Variants in ASPRV1 observed in about 807,000 individuals in gnomAD.
The protein encoded by ASPRV1 is retroviral-like aspartic protease 1.
A neutral mutation model predicts 11.0 loss-of-function variants in ASPRV1; 7 were observed. The ratio of observed to expected loss-of-function variants is 0.64; its 90% CI spans 0.36 to 1.20. The LOEUF is 1.20. Ranked by LOEUF, ASPRV1 falls within the 50% of genes most tolerant of loss-of-function variation. The pLI is 0.02. For missense variants in ASPRV1, 299 were observed against 320.0 expected, an observed-to-expected ratio of 0.93 and a Z score of 0.50; for synonymous variants, 136 against 138.4, an observed-to-expected ratio of 0.98 and a Z score of 0.12.
At chr2:70,061,677 G>A in the ASPRV1 span, among the ~76,000 whole-genome samples, 2 of 152,074 alleles carry the variant, frequency 1.3e-5, no homozygotes, top group East Asian at 1.9e-4. Context: ...CTGGAGGACC[G>A]GGTGCAGTGG....
At chr2:69,949,089 T>C in the ASPRV1 span, among the ~76,000 whole-genome samples, 2 of 152,204 alleles carry the variant, frequency 1.3e-5, no homozygotes, top group East Asian at 1.9e-4. Flanking sequence ...CGCGCAGTGA[T>C]GCATTTCACT....
chr2:70,000,334 A>C, the ASPRV1 span, among the ~76,000 whole-genome samples: 2,208 of 138,996 alleles, frequency 0.016, 40 homozygotes, highest in African/African-American at 0.064. Flanking sequence ...AAAAAAAAAA[A>C]ACCACACACA....
the ASPRV1 span, chr2:69,935,248 G>A: frequency 1.1e-4 from 82 of 772,108 alleles, no homozygotes; most frequent in Middle Eastern, 3.5e-4. Context: ...ATTTGCCATC[G>A]CAAGGCCTGG....
the ASPRV1 span, chr2:69,937,477 G>A: frequency 7.4e-7 from 1 of 1,350,946 alleles, no homozygotes; most frequent in Non-Finnish European, 9.9e-7. Flanking sequence ...ACAGGAGGCA[G>A]AGTGTAAGAA....
the ASPRV1 span, chr2:69,994,224 T>C: frequency 6.6e-6 from 1 of 152,416 alleles, no homozygotes; most frequent in East Asian, 1.9e-4. Context: ...CCCTGCTAGA[T>C]GAGCAGCGTT....
chr2:69,959,373 T>G (rs1678008665), downstream of ASPRV1, among the ~76,000 whole-genome samples: 2 of 152,168 alleles, frequency 1.3e-5, no homozygotes, highest in African/African-American at 4.8e-5. Context: ...AACTGGCTCT[T>G]CTGTGGAGAC....
the ASPRV1 span, among the ~76,000 whole-genome samples, chr2:70,079,261 A>G: frequency 6.6e-6 from 1 of 152,138 alleles, no homozygotes; most frequent in Admixed American, 6.6e-5. Context: ...CGGCATTTAA[A>G]GTCTTGATCG....
At chr2:70,016,052 T>C in the ASPRV1 span, 1 of 152,152 alleles carries the variant, frequency 6.6e-6, no homozygotes, top group Non-Finnish European at 1.5e-5. Flanking sequence ...GAACTACACT[T>C]TAGACCAAAG....
the ASPRV1 span, chr2:69,988,841 G>A: frequency 2.2e-6 from 1 of 456,594 alleles, no homozygotes; most frequent in East Asian, 6.9e-5. Flanking sequence ...AGAAGAGTCT[G>A]GAGTAGGATG....
chr2:70,007,357 T>TA, the ASPRV1 span, among the ~76,000 whole-genome samples: 4 of 151,946 alleles, frequency 2.6e-5, no homozygotes, highest in East Asian at 1.9e-4. Context: ...GTTTCTACTT[T>TA]AAAAAAATAC....
At chr2:69,979,329 G>C in the ASPRV1 span, among the ~76,000 whole-genome samples, 4 of 152,152 alleles carry the variant, frequency 2.6e-5, no homozygotes, top group Admixed American at 2.6e-4. Context: ...CACCACGCCC[G>C]GCCAGGGACG....
At chr2:70,039,684 C>T in the ASPRV1 span, among the ~76,000 whole-genome samples, 6 of 152,290 alleles carry the variant, frequency 3.9e-5, no homozygotes, top group Non-Finnish European at 7.4e-5. Context: ...GTCTTCTGGC[C>T]CCTACTGCAC....
At chr2:70,018,743 G>GTTCA in the ASPRV1 span, among the ~76,000 whole-genome samples, 1 of 152,254 alleles carries the variant, frequency 6.6e-6, no homozygotes, top group Admixed American at 6.5e-5. Flanking sequence ...GAAATTAGAT[G>GTTCA]TTCATTTCAC....
the ASPRV1 span, chr2:70,012,288 G>A: frequency 6.6e-6 from 1 of 151,884 alleles, no homozygotes; most frequent in African/African-American, 2.4e-5. Context: ...CCGAGTAGCT[G>A]GGACTACAGG....
the ASPRV1 span, chr2:70,032,400 A>T: frequency 6.6e-6 from 1 of 152,048 alleles, no homozygotes; most frequent in Non-Finnish European, 1.5e-5. Context: ...TCACAATTAT[A>T]ATCTCAGCAT....
the ASPRV1 span, among the ~76,000 whole-genome samples, chr2:70,043,565 G>C: frequency 6.6e-6 from 1 of 152,184 alleles, no homozygotes; most frequent in African/African-American, 2.4e-5. Flanking sequence ...ATCGCTTTTT[G>C]CATGGCTTAT....
chr2:69,959,471 C>T (rs917076179), downstream of ASPRV1, among the ~76,000 whole-genome samples: 1 of 152,100 alleles, frequency 6.6e-6, no homozygotes. Flanking sequence ...GAAGCAAATA[C>T]GAGATGGACC....
chr2:69,934,347 G>A, the ASPRV1 span, among the ~76,000 whole-genome samples: 1 of 152,126 alleles, frequency 6.6e-6, no homozygotes. Flanking sequence ...GAATTTTCCA[G>A]GTTCTAGAAT....
chr2:70,001,392 G>A, the ASPRV1 span, among the ~76,000 whole-genome samples: 1 of 152,004 alleles, frequency 6.6e-6, no homozygotes, highest in South Asian at 2.1e-4. Flanking sequence ...TAGCCAATGT[G>A]GTGGTGCATG....
Sources: allele counts gnomAD v4.1 joint callset (sites outside exome capture counted in the v4.1 genomes callset), GRCh38; gene constraint gnomAD v4.1.1; transcripts MANE v1.5; gene names NCBI Gene and HGNC (gene_info 2026-07-23, HGNC 2026-07-21).